The following CTNNA3 variants were observed in gnomAD, a reference collection of about 807,000 sequenced individuals.
CTNNA3 encodes catenin alpha-3.
A neutral mutation model predicts 95.7 loss-of-function variants in CTNNA3; 76 were observed. The ratio of observed to expected loss-of-function variants is 0.79; its 90% CI spans 0.66 to 0.96. The LOEUF (loss-of-function observed/expected upper bound fraction) is 0.96, where lower values mean the gene tolerates loss of function less well. Among genes scored for constraint, CTNNA3 ranks in the 40% least tolerant of loss-of-function variants. The pLI is 0.00. For synonymous variants in CTNNA3, 431 were observed against 374.4 expected (o/e 1.15, Z -1.74); for missense variants, 1,191 against 1,089.8 (o/e 1.09, Z -1.31).
chr10:67,696,481 T>C (rs1254537533), upstream of CTNNA3, among the ~76,000 whole-genome samples: 1 of 152,152 alleles, frequency 6.6e-6, no homozygotes, highest in Non-Finnish European at 1.5e-5. Context: ...AAAGATCAAT[T>C]ATGTAAAATT....
chr10:65,979,707 T>C (rs541307822), intron 16 of CTNNA3, among the ~76,000 whole-genome samples: 29 of 152,118 alleles, frequency 1.9e-4, no homozygotes, highest in African/African-American at 6.5e-4. Context: ...ATAATCACCC[T>C]AGGAGCATTT....
At chr10:66,383,875 C>T (rs1187415571) in intron 11 of CTNNA3, among the ~76,000 whole-genome samples, 1 of 152,090 alleles carries the variant, frequency 6.6e-6, no homozygotes, top group African/African-American at 2.4e-5. Flanking sequence ...GAAATAAAAC[C>T]CTGTACAGAC....
At chr10:66,634,987 T>C (rs903441357) in intron 9 of CTNNA3, among the ~76,000 whole-genome samples, 2 of 152,028 alleles carry the variant, frequency 1.3e-5, no homozygotes, top group Non-Finnish European at 2.9e-5. Context: ...GCTCTAAGAG[T>C]CCCATTTTGC....
chr10:67,284,391 T>C (rs1839513622), intron 5 of CTNNA3, among the ~76,000 whole-genome samples: 1 of 152,198 alleles, frequency 6.6e-6, no homozygotes, highest in African/African-American at 2.4e-5. Flanking sequence ...GACTTTTCAA[T>C]GAAGACAAAA....
At chr10:67,714,172 T>A (rs1163801450) in intron 1 of CTNNA3, among the ~76,000 whole-genome samples, 1 of 152,052 alleles carries the variant, frequency 6.6e-6, no homozygotes, top group Admixed American at 6.6e-5. Flanking sequence ...AGGGCCACCA[T>A]CCTCCAGACC....
chr10:67,468,633 G>A (rs1326537963), intron 5 of CTNNA3, among the ~76,000 whole-genome samples: 2 of 152,106 alleles, frequency 1.3e-5, no homozygotes, highest in African/African-American at 4.8e-5. Context: ...GAACGTAAGT[G>A]ATATATGCCG....
intron 11 of CTNNA3, among the ~76,000 whole-genome samples, chr10:66,402,958 C>G (rs1379004697): frequency 6.6e-6 from 1 of 152,074 alleles, no homozygotes; most frequent in African/African-American, 2.4e-5. Context: ...AAGTCACTCC[C>G]CCTACCTAGT....
chr10:66,719,892 C>T (rs1451249545), intron 9 of CTNNA3, among the ~76,000 whole-genome samples: 1 of 152,036 alleles, frequency 6.6e-6, no homozygotes, highest in African/African-American at 2.4e-5. Context: ...TTTCAACTCA[C>T]CTCTCAGGCG....
intron 6 of CTNNA3, among the ~76,000 whole-genome samples, chr10:67,206,929 G>C (rs1278474379): frequency 6.6e-6 from 1 of 152,044 alleles, no homozygotes; most frequent in Non-Finnish European, 1.5e-5. Flanking sequence ...TCAGGCGTTC[G>C]AGACCAGCTA....
At chr10:66,174,363 G>A (rs1490835368) in intron 13 of CTNNA3, among the ~76,000 whole-genome samples, 1 of 151,696 alleles carries the variant, frequency 6.6e-6, no homozygotes, top group Non-Finnish European at 1.5e-5. Flanking sequence ...CAATATTATT[G>A]TGCATTTTTA....
intron 7 of CTNNA3, among the ~76,000 whole-genome samples, chr10:66,806,754 ATATGTGTGTG>A (rs779347897): frequency 2.7e-4 from 20 of 73,466 alleles, no homozygotes; most frequent in Admixed American, 1.5e-3. Flanking sequence ...AATGTGGCAT[ATATGTGTGTG>A]TGTGTGTGTG....
intron 11 of CTNNA3, among the ~76,000 whole-genome samples, chr10:66,425,681 T>TATATATACACACACACAC (rs2093233827): frequency 6.8e-6 from 1 of 148,138 alleles, no homozygotes; most frequent in African/African-American, 2.6e-5. Flanking sequence ...TAAAGATATA[T>TATATATACACACACACAC]ATATATACAC....
intron 5 of CTNNA3, among the ~76,000 whole-genome samples, chr10:67,511,590 G>A (rs573917745): frequency 1.3e-5 from 2 of 152,236 alleles, no homozygotes; most frequent in African/African-American, 2.4e-5. Flanking sequence ...TGCTGGATTC[G>A]GTTCACCAGT....
chr10:66,769,965 T>C (rs1232561589), intron 8 of CTNNA3, among the ~76,000 whole-genome samples: 1 of 152,152 alleles, frequency 6.6e-6, no homozygotes, highest in African/African-American at 2.4e-5. Context: ...GGAAAACCCA[T>C]CTAAACAGGT....
intron 11 of CTNNA3, among the ~76,000 whole-genome samples, chr10:66,481,999 A>T (rs908916539): frequency 1.3e-5 from 2 of 152,054 alleles, no homozygotes; most frequent in Admixed American, 6.5e-5. Context: ...ATCAATAGGG[A>T]TGTTATTTTT....
chr10:67,610,173 T>C (rs1231694255), intron 2 of CTNNA3, among the ~76,000 whole-genome samples: 1 of 152,222 alleles, frequency 6.6e-6, no homozygotes, highest in African/African-American at 2.4e-5. Context: ...ATTCCTCCTC[T>C]ATTGTTCAGA....
chr10:66,189,577 A>G (rs2086541105), intron 13 of CTNNA3, among the ~76,000 whole-genome samples: 1 of 129,590 alleles, frequency 7.7e-6, no homozygotes, highest in Admixed American at 7.4e-5. Flanking sequence ...AGCCAGTACC[A>G]TACTGTTTTA....
chr10:67,703,463 G>A (rs1841057613), intron 1 of CTNNA3, among the ~76,000 whole-genome samples: 1 of 152,044 alleles, frequency 6.6e-6, no homozygotes, highest in Non-Finnish European at 1.5e-5. Context: ...ATGCAAGGCT[G>A]GTTCAATATA....
chr10:67,418,647 G>A (rs1262023192), intron 5 of CTNNA3, among the ~76,000 whole-genome samples: 1 of 152,048 alleles, frequency 6.6e-6, no homozygotes. Flanking sequence ...AAAAAAAGTT[G>A]AACTCACACA....
Sources: gnomAD v4.1 joint callset for allele counts (sites outside exome capture counted in the v4.1 genomes callset) on GRCh38, gnomAD v4.1.1 for gene constraint, MANE v1.5 for transcripts, NCBI Gene and HGNC (gene_info 2026-07-23, HGNC 2026-07-21) for gene names.